Variants in SLIT1 observed in about 807,000 individuals in gnomAD.
SLIT1 encodes slit homolog 1 protein.
Under a neutral mutation model 186.1 loss-of-function variants are expected in SLIT1, and 66 were observed. That is an observed-to-expected ratio of 0.35 (90% CI 0.29 to 0.44). SLIT1 has a LOEUF of 0.44. Among genes scored for constraint, SLIT1 ranks in the 20% least tolerant of loss-of-function variants. The probability of loss-of-function intolerance (pLI) is 1.00; values close to 1 mark genes in which losing one functional copy is unlikely to be tolerated. For synonymous variants in SLIT1, 761 were observed against 833.8 expected (o/e 0.91, Z 1.50); for missense variants, 1,638 against 2,037.4 (o/e 0.80, Z 3.77).
intron 21 of SLIT1, among the ~76,000 whole-genome samples, chr10:97,039,649 CA>C (rs1394096467): frequency 2.0e-5 from 3 of 152,214 alleles, no homozygotes; most frequent in African/African-American, 7.2e-5. Flanking sequence ...ACTGCTGGTG[CA>C]AAAATCACAT....
chr10:97,011,323 C>A (rs974227634), intron 30 of SLIT1, among the ~76,000 whole-genome samples, 193 bp from the exon 31 acceptor site: 1 of 152,102 alleles, frequency 6.6e-6, no homozygotes, highest in Non-Finnish European at 1.5e-5. Flanking sequence ...ATCCTGGGAC[C>A]CTTTCCTAGT....
chr10:97,182,192 C>A (rs576714502), intron 1 of SLIT1, among the ~76,000 whole-genome samples: 1 of 152,188 alleles, frequency 6.6e-6, no homozygotes, highest in East Asian at 1.9e-4. Flanking sequence ...TGGGGCCTAC[C>A]CAACCTCTTT....
At chr10:97,016,344 G>T (rs1848455186) in intron 28 of SLIT1, among the ~76,000 whole-genome samples, 1 of 152,008 alleles carries the variant, frequency 6.6e-6, no homozygotes, top group Non-Finnish European at 1.5e-5. Flanking sequence ...GTGCTGTTTA[G>T]ATTGCATTGG....
Position 97,002,175 on chromosome 10 carries a change from C to T in SLIT1, c.4349G>A (p.Gly1450Asp), listed in dbSNP as rs1416001743. ...CCCCTGACCTTGCTCACACAGCTCGCCCGAAAAGCCGGGGTCACACACACA... is the reference window on the plus strand; with the variant it reads ...CCCCTGACCTTGCTCACACAGCTCGTCCGAAAAGCCGGGGTCACACACACA... ...AHCVCDPGFS[G>D]ELCEQESECR... Residue 1450 changes from glycine (G) to aspartate (D), a missense_variant, in exon 36 of 37, where the codon GGC (glycine) becomes GAC (aspartate). Transcript: ENST00000266058. 6.7e-7 allele frequency: 1 copy of T among 1,486,584 alleles called. No homozygotes were observed. The highest frequency in any genetic ancestry group is 9.0e-7 in the Non-Finnish European group (1 of 1,111,658). The allele number at this position is 1,486,584 out of a possible 1,614,324, so 92.1% of individuals were successfully genotyped here. A position where few individuals can be genotyped will look rare whatever the true frequency, so the allele number is the denominator to read the frequency against.
intron 1 of SLIT1, among the ~76,000 whole-genome samples, chr10:97,169,237 C>G (rs1850156370): frequency 6.6e-6 from 1 of 152,198 alleles, no homozygotes; most frequent in South Asian, 2.1e-4. Flanking sequence ...GCCTTGCTCT[C>G]TAACGCAGAG....
chr10:97,092,845 A>G (rs1461613183), intron 4 of SLIT1, among the ~76,000 whole-genome samples: 1 of 152,256 alleles, frequency 6.6e-6, no homozygotes, highest in Non-Finnish European at 1.5e-5. Flanking sequence ...GTCCTTTGCA[A>G]TGTGCCAGGC....
At chr10:97,129,880 C>T (rs1223646001) in intron 4 of SLIT1, among the ~76,000 whole-genome samples, 3 of 152,170 alleles carry the variant, frequency 2.0e-5, no homozygotes, top group Admixed American at 2.0e-4. Context: ...CACTCAGCCC[C>T]CTTCCTGCCC....
chr10:97,094,294 A>G (rs1334474262), intron 4 of SLIT1, among the ~76,000 whole-genome samples: 1 of 152,246 alleles, frequency 6.6e-6, no homozygotes. Flanking sequence ...CTTCTTCAAG[A>G]TACTTCTATT....
chr10:97,006,308 T>C lies in SLIT1; in HGVS notation c.3579+175A>G, dbSNP rs1848358848. On this transcript the variant is annotated intron_variant, in intron 32 of 36. Transcript: ENST00000266058. The surrounding 1 kb of genome is among the most constrained non-coding windows in gnomAD (Gnocchi z 4.0). The stretch of plus-strand genomic sequence containing the variant: ...TTTTGTGACACTATAACCTTTCTAA[T>C]TGTGCTTAAACTAGTTCAAGCTGAG... Among the ~76,000 whole-genome samples, 1 of 152,198 alleles carries C rather than the reference T, an allele frequency of 6.6e-6. No individual in the cohort carries two copies. The highest frequency in any genetic ancestry group is 2.4e-5 in the African/African-American group (1 of 41,458).
intron 4 of SLIT1, among the ~76,000 whole-genome samples, chr10:97,127,137 C>A (rs28672709): frequency 2.8e-5 from 4 of 142,896 alleles, no homozygotes; most frequent in East Asian, 4.1e-4. Flanking sequence ...AAAAAAAAAA[C>A]AAAAAAAATT....
intron 3 of SLIT1, among the ~76,000 whole-genome samples, chr10:97,161,523 T>C (rs1302750343): frequency 6.6e-6 from 1 of 152,236 alleles, no homozygotes; most frequent in African/African-American, 2.4e-5. Flanking sequence ...AGGCCTGTAA[T>C]CCCAGCACTT....
intron 4 of SLIT1, among the ~76,000 whole-genome samples, chr10:97,147,004 C>T (rs1849825486): frequency 6.6e-6 from 1 of 152,188 alleles, no homozygotes. Flanking sequence ...GCTAAAAGGG[C>T]ACTGAGAGGT....
intron 3 of SLIT1, 76 bp from the exon 4 acceptor site, chr10:97,157,965 G>A: frequency 9.3e-7 from 1 of 1,074,748 alleles, no homozygotes; most frequent in South Asian, 1.3e-5. Context: ...AGCACAAGAT[G>A]GATTCAGAGG....
At chr10:97,138,546 A>G (rs982129578) in intron 4 of SLIT1, among the ~76,000 whole-genome samples, 5 of 152,182 alleles carry the variant, frequency 3.3e-5, no homozygotes, top group African/African-American at 7.2e-5. Context: ...TCATCAATAC[A>G]TGAGTTCCAG....
intron 4 of SLIT1, 80 bp downstream of exon 4, chr10:97,157,738 C>G: frequency 9.4e-7 from 1 of 1,064,350 alleles, no homozygotes. Flanking sequence ...ATCCAGGCCC[C>G]ACTGACCAAA....
intron 23 of SLIT1, among the ~76,000 whole-genome samples, chr10:97,031,991 T>C (rs1489501812): frequency 1.3e-5 from 2 of 152,234 alleles, no homozygotes; most frequent in Non-Finnish European, 2.9e-5. Flanking sequence ...CTGACTCCAA[T>C]AAATCCTCAA....
At chr10:97,061,482 C>A (rs1267262138) in intron 8 of SLIT1, among the ~76,000 whole-genome samples, 1 of 152,220 alleles carries the variant, frequency 6.6e-6, no homozygotes, top group Non-Finnish European at 1.5e-5. Flanking sequence ...CCCAAAGTAA[C>A]CACCATTCTG....
At chr10:97,089,289 C>A (rs1849203076) in intron 4 of SLIT1, among the ~76,000 whole-genome samples, 2 of 152,240 alleles carry the variant, frequency 1.3e-5, no homozygotes, top group South Asian at 4.1e-4. Context: ...CCAAGCCCCC[C>A]ACGACTGGGG....
At chr10:97,178,024 G>A (rs1433925177) in intron 1 of SLIT1, among the ~76,000 whole-genome samples, 1 of 152,056 alleles carries the variant, frequency 6.6e-6, no homozygotes, top group Non-Finnish European at 1.5e-5. Context: ...AGGGAGAAGG[G>A]AAAGTTCTTT....
Sources: allele counts gnomAD v4.1 joint callset (sites outside exome capture counted in the v4.1 genomes callset), GRCh38; gene constraint gnomAD v4.1.1; non-coding constraint Gnocchi (gnomAD v3.1); transcripts MANE v1.5; gene names NCBI Gene and HGNC (gene_info 2026-07-23, HGNC 2026-07-21).